GMPS: variants seen among roughly 807,000 people sequenced by gnomAD.
The protein encoded by GMPS is guanosine monophosphate synthase.
Under a neutral mutation model 77.9 loss-of-function variants are expected in GMPS, and 15 were observed. The ratio of observed to expected loss-of-function variants is 0.19; its 90% CI spans 0.13 to 0.30. The LOEUF is 0.30. Ranked by LOEUF, GMPS falls within the 10% of genes least tolerant of loss-of-function variation. The pLI, the probability that GMPS is intolerant of heterozygous loss-of-function variation, is 1.00. For synonymous variants in GMPS, 224 were observed against 275.9 expected (o/e 0.81, Z 1.86); for missense variants, 590 against 838.8 (o/e 0.70, Z 3.66).
At chr3:155,888,947 A>T (rs1409781586) in intron 1 of GMPS, among the ~76,000 whole-genome samples, 1 of 151,868 alleles carries the variant, frequency 6.6e-6, no homozygotes, top group East Asian at 1.9e-4. Context: ...TCTCGAACTC[A>T]TGGGCTCAAG....
chr3:155,921,857 A>G (rs1038520417), intron 10 of GMPS, among the ~76,000 whole-genome samples: 2 of 152,210 alleles, frequency 1.3e-5, no homozygotes, highest in African/African-American at 4.8e-5. Context: ...GAGCCTCACA[A>G]TGGAAACTAT....
At chr3:155,920,346 C>G (rs1755287298) in intron 10 of GMPS, among the ~76,000 whole-genome samples, 1 of 152,032 alleles carries the variant, frequency 6.6e-6, no homozygotes, top group Non-Finnish European at 1.5e-5. Flanking sequence ...AGTCCCTAAC[C>G]TGCATGCCGG....
At chr3:155,883,145 C>T (rs1160054287) in intron 1 of GMPS, among the ~76,000 whole-genome samples, 1 of 152,144 alleles carries the variant, frequency 6.6e-6, no homozygotes, top group Admixed American at 6.5e-5. Context: ...TATCTCAGCT[C>T]ACTGCAGCTT....
chr3:155,925,190 T>A, intron 11 of GMPS, 51 bp from the exon 12 acceptor site: 1 of 1,526,390 alleles, frequency 6.6e-7, no homozygotes, highest in Non-Finnish European at 9.0e-7. Flanking sequence ...AATAAAAGAG[T>A]GAATACCTTA....
intron 1 of GMPS, among the ~76,000 whole-genome samples, chr3:155,888,547 G>A (rs548710017): frequency 6.6e-6 from 1 of 150,956 alleles, no homozygotes; most frequent in Admixed American, 6.6e-5. Flanking sequence ...TCTGCCTCCC[G>A]AGTAGCTAGG....
chr3:155,911,054 A>G (rs992180158), intron 6 of GMPS, 60 bp from the exon 7 acceptor site: 88 of 1,362,052 alleles, frequency 6.5e-5, no homozygotes, highest in Admixed American at 4.2e-4. Flanking sequence ...ATTTAAGCCA[A>G]TAGTGTTTAT....
At chr3:155,871,431 C>T (rs920466668) in intron 1 of GMPS, among the ~76,000 whole-genome samples, 2 of 152,180 alleles carry the variant, frequency 1.3e-5, no homozygotes, top group Non-Finnish European at 2.9e-5. Context: ...CTCGGCGAGG[C>T]CCGCTCCATT....
chr3:155,916,223 T>C (rs764989082), intron 9 of GMPS, 31 bp downstream of exon 9: 2 of 1,418,824 alleles, frequency 1.4e-6, no homozygotes, highest in South Asian at 2.3e-5. Flanking sequence ...TTTCATAAAG[T>C]AGATACATGG....
At chr3:155,907,583 T>A (rs2108097013) in intron 5 of GMPS, among the ~76,000 whole-genome samples, 1 of 152,158 alleles carries the variant, frequency 6.6e-6, no homozygotes, top group Middle Eastern at 3.4e-3. Context: ...AGCAAGACCC[T>A]CTCTCCTAAG....
chr3:155,909,566 A>G (rs1417130229), intron 5 of GMPS, among the ~76,000 whole-genome samples: 3 of 152,240 alleles, frequency 2.0e-5, no homozygotes, highest in African/African-American at 7.2e-5. Context: ...CTTTATAAAG[A>G]AAGGTTATAG....
Position 155,925,104 on chromosome 3 carries a change from A to G in GMPS, c.1435-137A>G, listed in dbSNP as rs1362588597. 4 of 672,198 alleles carry G rather than the reference A, an allele frequency of 6.0e-6. No homozygotes were observed. The Admixed American group carries it at 9.0e-5, about 15-fold the overall frequency. The allele number at this position is 672,198 out of a possible 1,614,324, so 41.6% of individuals were successfully genotyped here. A position where few individuals can be genotyped will look rare whatever the true frequency, so the allele number is the denominator to read the frequency against. On this transcript the variant is annotated intron_variant, in intron 11 of 15. Coordinates refer to ENST00000496455, the MANE Select transcript of GMPS (RefSeq NM_003875.3). ...GGTGTGAATTTCTGGCATAGTGCAT[A>G]GCACACACAACTCAAGGAGATACCA...
intron 1 of GMPS, among the ~76,000 whole-genome samples, chr3:155,871,866 T>C (rs1753914527): frequency 6.6e-6 from 1 of 152,364 alleles, no homozygotes; most frequent in African/African-American, 2.4e-5. Context: ...CCTCTTACTT[T>C]CGTCCCGCTT....
At chr3:155,881,717 C>A (rs1754210484) in intron 1 of GMPS, among the ~76,000 whole-genome samples, 1 of 152,142 alleles carries the variant, frequency 6.6e-6, no homozygotes, top group Non-Finnish European at 1.5e-5. Context: ...GAGACTAGTA[C>A]ACTCATGATG....
At chr3:155,919,026 G>A (rs1755254174) in intron 9 of GMPS, among the ~76,000 whole-genome samples, 1 of 152,164 alleles carries the variant, frequency 6.6e-6, no homozygotes. Context: ...TGTTTAAAAT[G>A]TGCTTCAAAG....
At chr3:155,887,021 A>T in intron 1 of GMPS, among the ~76,000 whole-genome samples, 1 of 152,222 alleles carries the variant, frequency 6.6e-6, no homozygotes, top group East Asian at 1.9e-4. Context: ...AGATATTAAT[A>T]TTTAAGATAT....
intron 5 of GMPS, among the ~76,000 whole-genome samples, chr3:155,907,250 A>G (rs756510157): frequency 3.3e-5 from 5 of 152,164 alleles, no homozygotes; most frequent in Non-Finnish European, 5.9e-5. Flanking sequence ...TCGAGTACCT[A>G]TTATGTGTCA....
rs1313212934 is a variant in GMPS at position 155,940,568 on chromosome 3, T to C, written c.*2876T>C. ...TTAGGAAGGCAGGACTATCCATCTT[T>C]AGTGCTTTTCCTGCCGTTAAACAAC... On this transcript the variant is annotated 3_prime_UTR_variant, in exon 16 of 16. Coordinates refer to ENST00000496455, the MANE Select transcript of GMPS (RefSeq NM_003875.3). 2 of 217,070 alleles carry C rather than the reference T, an allele frequency of 9.2e-6. No individual in the cohort carries two copies. Among genetic ancestry groups the C allele is most frequent in the East Asian group, 1.4e-4 (2 of 14,560 alleles). 13.4% of individuals were successfully genotyped at this position (217,070 alleles called of 1,614,324 possible). A position where few individuals can be genotyped will look rare whatever the true frequency, so the allele number is the denominator to read the frequency against.
intron 8 of GMPS, 55 bp from the exon 9 acceptor site, chr3:155,915,964 T>C (rs1755167083): frequency 1.3e-5 from 16 of 1,206,206 alleles, no homozygotes; most frequent in Middle Eastern, 2.0e-4. Flanking sequence ...GTATAAACTT[T>C]TGCTTTTAAA....
intron 1 of GMPS, among the ~76,000 whole-genome samples, chr3:155,880,552 T>C (rs752805522): frequency 6.6e-6 from 1 of 152,232 alleles, no homozygotes; most frequent in Non-Finnish European, 1.5e-5. Context: ...AAGTATGTAG[T>C]TGAGTTTTGA....
Sources: gnomAD v4.1 joint callset for allele counts (sites outside exome capture counted in the v4.1 genomes callset) on GRCh38, gnomAD v4.1.1 for gene constraint, MANE v1.5 for transcripts, NCBI Gene and HGNC (gene_info 2026-07-23, HGNC 2026-07-21) for gene names.